TBC1D32: variants seen among roughly 807,000 people sequenced by gnomAD.
TBC1D32 encodes protein broad-minded.
Under a neutral mutation model 170.3 loss-of-function variants are expected in TBC1D32, and 151 were observed. The observed-to-expected ratio is 0.89, with a 90% CI of 0.78 to 1.01. The LOEUF is 1.01. Ranked by LOEUF, TBC1D32 falls within the 50% of genes least tolerant of loss-of-function variation. The pLI is 0.00. For synonymous variants in TBC1D32, 498 were observed against 488.0 expected (o/e 1.02, Z -0.27); for missense variants, 1,464 against 1,457.1 (o/e 1.00, Z -0.08).
chr6:121,131,847 T>C, intron 24 of TBC1D32, 95 bp from the exon 25 acceptor site: 1 of 938,390 alleles, frequency 1.1e-6, no homozygotes, highest in East Asian at 2.8e-5. Context: ...AAATTCCATA[T>C]GGAATACATA....
At chr6:121,139,502 C>A (rs1404245864) in intron 24 of TBC1D32, among the ~76,000 whole-genome samples, 3 of 151,874 alleles carry the variant, frequency 2.0e-5, no homozygotes, top group Non-Finnish European at 4.4e-5. Flanking sequence ...TCTGAAAAGG[C>A]AGAAAGTATC....
intron 31 of TBC1D32, among the ~76,000 whole-genome samples, chr6:121,087,938 G>A (rs910846174): frequency 1.2e-4 from 17 of 146,772 alleles, no homozygotes; most frequent in Admixed American, 4.8e-4. Flanking sequence ...GTGGTATGCA[G>A]TTACATGGGG....
chr6:121,090,055 C>A (rs945434620), intron 31 of TBC1D32, among the ~76,000 whole-genome samples: 1 of 151,938 alleles, frequency 6.6e-6, no homozygotes, highest in African/African-American at 2.4e-5. Context: ...GCCTCAGCCT[C>A]CTGAGTAGCT....
Position 121,205,181 on chromosome 6 carries a change from A to C in TBC1D32, c.2482-18T>G. 1 of 1,229,144 alleles carries C rather than the reference A, an allele frequency of 8.1e-7. No individual in the cohort carries two copies. Among genetic ancestry groups the C allele is most frequent in the Non-Finnish European group, 1.1e-6 (1 of 878,854 alleles). The allele number at this position is 1,229,144 out of a possible 1,614,324, so 76.1% of individuals were successfully genotyped here. On this transcript the variant is annotated intron_variant, in intron 21 of 31. Coordinates refer to ENST00000398212, the MANE Select transcript of TBC1D32 (RefSeq NM_152730.6). ...ATAATATCCTGAAAAAGACAGACAA[A>C]ATGAGACTGTATTTAACTGATATCA...
At chr6:121,129,602 T>C (rs569054991) in intron 25 of TBC1D32, among the ~76,000 whole-genome samples, 1 of 152,330 alleles carries the variant, frequency 6.6e-6, no homozygotes, top group South Asian at 2.1e-4. Context: ...TTATTTATAA[T>C]TTCTGATTTT....
chr6:121,126,773 T>C (rs1044538424), intron 25 of TBC1D32, among the ~76,000 whole-genome samples: 1 of 152,054 alleles, frequency 6.6e-6, no homozygotes, highest in Non-Finnish European at 1.5e-5. Flanking sequence ...TCACTAATTA[T>C]GCTATAATAC....
chr6:121,158,605 G>A (rs931528486), intron 24 of TBC1D32, among the ~76,000 whole-genome samples: 2 of 152,154 alleles, frequency 1.3e-5, no homozygotes, highest in African/African-American at 4.8e-5. Flanking sequence ...CATGTGGAGT[G>A]CTGGTGTTCC....
At chr6:121,333,548 GA>G (rs1811471085) in intron 1 of TBC1D32, among the ~76,000 whole-genome samples, 2 of 152,158 alleles carry the variant, frequency 1.3e-5, no homozygotes. Flanking sequence ...GCAGTGCTCA[GA>G]GTGAGTAATT....
chr6:121,282,541 C>G (rs1803169282), intron 13 of TBC1D32, among the ~76,000 whole-genome samples: 1 of 151,650 alleles, frequency 6.6e-6, no homozygotes, highest in African/African-American at 2.4e-5. Context: ...AGGTCAATAT[C>G]TGACAAAAAG....
At chr6:121,270,165 G>T (rs1801159593) in intron 15 of TBC1D32, among the ~76,000 whole-genome samples, 1 of 152,072 alleles carries the variant, frequency 6.6e-6, no homozygotes, top group African/African-American at 2.4e-5. Flanking sequence ...AAGCAGGAAA[G>T]ATTTAAAATT....
intron 4 of TBC1D32, among the ~76,000 whole-genome samples, chr6:121,308,683 C>CTT (rs1323383540): frequency 2.1e-5 from 1 of 47,256 alleles, no homozygotes; most frequent in Non-Finnish European, 3.4e-5. Context: ...AGAAAGCTTA[C>CTT]TTCTTTTTTT....
At chr6:121,330,472 A>G (rs886670074) in intron 1 of TBC1D32, among the ~76,000 whole-genome samples, 9 of 152,240 alleles carry the variant, frequency 5.9e-5, no homozygotes, top group Admixed American at 5.9e-4. Flanking sequence ...TATCAAAAAC[A>G]TATCAAGTGA....
rs1805339687 is a variant in TBC1D32 at position 121,294,602 on chromosome 6, G to A, written c.1199C>T (p.Ala400Val). The A allele has an allele frequency of 1.2e-6, 2 of 1,612,356 alleles. No individual in the cohort carries two copies. The highest frequency in any genetic ancestry group is 1.1e-5 in the South Asian group (1 of 90,706). ...QYFEMCKTRK[A>V]DETLGHSKHC... Reference sequence around the variant, plus strand: ...CTTTGAATGTCCCAAAGTTTCATCAGCTTTCCTAGTCTTACACATTTCAAA... The same window carrying A: ...CTTTGAATGTCCCAAAGTTTCATCAACTTTCCTAGTCTTACACATTTCAAA... Residue 400 changes from alanine to valine, a missense_variant, in exon 11 of 32, where the codon GCT becomes GTT. Transcript: ENST00000398212.
intron 15 of TBC1D32, among the ~76,000 whole-genome samples, chr6:121,265,517 A>T (rs1800353130): frequency 1.3e-5 from 2 of 152,106 alleles, no homozygotes; most frequent in South Asian, 4.1e-4. Context: ...TGCTATTCCC[A>T]TCAAACTACC....
intron 31 of TBC1D32, among the ~76,000 whole-genome samples, chr6:121,083,087 TGACTATTTA>T (rs1470436965): frequency 6.6e-6 from 1 of 152,034 alleles, no homozygotes; most frequent in African/African-American, 2.4e-5. Context: ...CTTGTAATTA[TGACTATTTA>T]GACTGCCAGC....
chr6:121,272,554 A>G (rs1299859583), intron 15 of TBC1D32, among the ~76,000 whole-genome samples: 4 of 152,154 alleles, frequency 2.6e-5, no homozygotes, highest in Non-Finnish European at 5.9e-5. Context: ...CAAAACCACA[A>G]TGAGATACCA....
chr6:121,292,115 C>T lies in TBC1D32; in HGVS notation c.1310G>A (p.Gly437Glu). 5.6e-6 allele frequency: 9 copies of T among 1,602,590 alleles called. No homozygotes were observed. Among genetic ancestry groups the T allele is most frequent in the Non-Finnish European group, 7.7e-6 (9 of 1,174,102 alleles). Residue 437 changes from glycine to glutamate, a missense_variant, in exon 12 of 32, where the codon GGA becomes GAA. Gly to Glu is a moderately conservative substitution (Grantham distance 98). Around this residue, in one of 3 missense-constraint regions of TBC1D32, gnomAD observed 1,363 missense variants for 1,338.1 expected, o/e 1.02. Coordinates refer to ENST00000398212, the MANE Select transcript of TBC1D32 (RefSeq NM_152730.6). ...GCCTTGTTTATAGATCAATAATCTT[C>T]CTAAAAGGCACAGTGAGTGAATGAA... ...IYFIHSLCLL[G>E]RLLIYKQGRK...
At chr6:121,113,296 C>T (rs1349262618) in intron 27 of TBC1D32, 119 bp from the exon 28 acceptor site, 16 of 577,506 alleles carry the variant, frequency 2.8e-5, no homozygotes, top group Admixed American at 6.4e-5. Flanking sequence ...GCTCTCAATA[C>T]ATGTTTCTGA....
chr6:121,274,307 T>C (rs1801933099), intron 15 of TBC1D32, among the ~76,000 whole-genome samples: 1 of 151,346 alleles, frequency 6.6e-6, no homozygotes, highest in Admixed American at 6.6e-5. Flanking sequence ...CACTCCAGCC[T>C]GGGCGACAGA....
Sources: allele counts gnomAD v4.1 joint callset (sites outside exome capture counted in the v4.1 genomes callset), GRCh38; gene constraint gnomAD v4.1.1; regional missense constraint gnomAD v4.1.1; transcripts MANE v1.5; gene names NCBI Gene and HGNC (gene_info 2026-07-23, HGNC 2026-07-21).